The following CDK11B variants were observed in gnomAD, a reference collection of about 807,000 sequenced individuals.
CDK11B encodes the protein cyclin-dependent kinase 11B.
In CDK11B, 37 loss-of-function variants were observed where a neutral mutation model predicts 84.0. The observed-to-expected ratio is 0.44, with a 90% CI of 0.34 to 0.58. CDK11B has a LOEUF of 0.58. Among genes scored for constraint, CDK11B ranks in the 20% least tolerant of loss-of-function variants. The pLI, the probability that CDK11B is intolerant of heterozygous loss-of-function variation, is 0.02. For synonymous variants in CDK11B, 269 were observed against 309.8 expected, an observed-to-expected ratio of 0.87 and a Z score of 1.38; for missense variants, 427 against 834.0, an observed-to-expected ratio of 0.51 and a Z score of 6.01.
intron 11 of CDK11B, among the ~76,000 whole-genome samples, chr1:1,639,417 CA>C (rs371621658): frequency 4.7e-5 from 7 of 149,806 alleles, no homozygotes; most frequent in East Asian, 3.9e-4. Context: ...ACCCAGTCTC[CA>C]AAAAAAAAGC....
chr1:1,651,256 A>G (rs1641964660), intron 4 of CDK11B, among the ~76,000 whole-genome samples: 1 of 152,210 alleles, frequency 6.6e-6, no homozygotes, highest in Non-Finnish European at 1.5e-5. Flanking sequence ...TTTAAATGTA[A>G]ACAAACTGCT....
chr1:1,654,855 T>C (rs1642519403), intron 3 of CDK11B, among the ~76,000 whole-genome samples: 2 of 150,750 alleles, frequency 1.3e-5, no homozygotes, highest in South Asian at 4.2e-4. Context: ...AGACGGGGTT[T>C]CACTGTGTTA....
chr1:1,649,745 C>G, intron 4 of CDK11B, 108 bp from the exon 5 acceptor site: 1 of 1,055,770 alleles, frequency 9.5e-7, no homozygotes, highest in Non-Finnish European at 1.4e-6. Context: ...GAGGCTGAGG[C>G]GGGCGGATCA....
intron 4 of CDK11B, among the ~76,000 whole-genome samples, chr1:1,650,873 G>A (rs1350025523): frequency 2.0e-5 from 3 of 151,830 alleles, no homozygotes; most frequent in South Asian, 2.1e-4. Flanking sequence ...TATGAAGAAA[G>A]AAGAAAAAAG....
In CDK11B at chr1:1,641,155, C is replaced by A. The variant is rs374342868; in HGVS notation, c.1010-42G>T. ...GCGTCTGCTCAGACCAGCACCGGGG[C>A]GAGTGCTGCCACAGGCAGGATGCGG... On this transcript the variant is annotated intron_variant, in intron 9 of 19. Transcript: ENST00000341832. 441 of 1,485,960 alleles carry A rather than the reference C, an allele frequency of 3.0e-4. No individual in the cohort carries two copies. The African/African-American group carries it at 5.6e-3, about 19-fold the overall frequency. The allele number at this position is 1,485,960 out of a possible 1,614,324, so 92.0% of individuals were successfully genotyped here.
At chr1:1,648,288 C>G (rs1203529084) in intron 5 of CDK11B, among the ~76,000 whole-genome samples, 1 of 151,014 alleles carries the variant, frequency 6.6e-6, no homozygotes, top group East Asian at 2.0e-4. Flanking sequence ...CCAAGCTGTA[C>G]TCTCGTGGGA....
Position 1,637,525 on chromosome 1 carries a change from G to A in CDK11B, c.1465-12C>T, listed in dbSNP as rs370740219. ...CCCACCACAATCTCCTGCAGGGCAC[G>A]GCTCTGTGGGTGCTGGGCACCTCCA... On this transcript the variant is annotated splice_polypyrimidine_tract_variant and intron_variant, in intron 13 of 19. Transcript: ENST00000341832. 176 of 1,612,476 alleles carry A rather than the reference G, an allele frequency of 1.1e-4. No homozygotes were observed. The African/African-American group carries it at 2.0e-3, about 18-fold the overall frequency.
At chr1:1,653,785 A>T (rs549816867) in intron 3 of CDK11B, among the ~76,000 whole-genome samples, 50 of 151,470 alleles carry the variant, frequency 3.3e-4, no homozygotes, top group African/African-American at 1.1e-3. Context: ...GGAGTTCAAG[A>T]CCAGTGTGAC....
intron 5 of CDK11B, among the ~76,000 whole-genome samples, chr1:1,649,257 G>C (rs1641583377): frequency 6.6e-6 from 1 of 152,064 alleles, no homozygotes; most frequent in African/African-American, 2.4e-5. Context: ...CCGCCACCAT[G>C]CCCAGCTAAT....
At chr1:1,652,306 T>G in intron 4 of CDK11B, 133 bp downstream of exon 4, 1 of 719,960 alleles carries the variant, frequency 1.4e-6, no homozygotes, top group Non-Finnish European at 2.1e-6. Flanking sequence ...GAACGGTCTG[T>G]GACACACGTA....
chr1:1,655,099 T>C (rs935287410), intron 3 of CDK11B, among the ~76,000 whole-genome samples: 2 of 152,178 alleles, frequency 1.3e-5, no homozygotes, highest in African/African-American at 4.8e-5. Flanking sequence ...TGCAAAATCC[T>C]ATATAGTATA....
At position 1,650,096 on chromosome 1, in the gene CDK11B, C is replaced by T. The variant is rs1256215656; in HGVS notation, c.356-459G>A. 6.4e-4 allele frequency among the ~76,000 whole-genome samples: 97 copies of T among 150,924 alleles called. 1 individual carries two copies. The highest frequency in any genetic ancestry group is 1.8e-3 in the African/African-American group (75 of 41,112). ...CCATCCTGGCTAACACGGTGAAACC[C>T]CATCTCTACTAAAAATACAAAAAAT... On this transcript the variant is annotated intron_variant, in intron 4 of 19. Transcript: ENST00000341832.
chr1:1,639,289 C>T (rs752205313), intron 11 of CDK11B, among the ~76,000 whole-genome samples: 3 of 151,764 alleles, frequency 2.0e-5, no homozygotes, highest in Non-Finnish European at 4.4e-5. Flanking sequence ...TGGTGGCTTG[C>T]GCCTGTAGTT....
intron 11 of CDK11B, among the ~76,000 whole-genome samples, chr1:1,638,937 ATTT>A (rs70937162): frequency 1.0e-4 from 12 of 119,402 alleles, no homozygotes; most frequent in African/African-American, 3.5e-4. Flanking sequence ...TCTGTTTTCT[ATTT>A]TTTTTTTTTT....
At chr1:1,648,287 A>G (rs1570159751) in intron 5 of CDK11B, among the ~76,000 whole-genome samples, 1 of 151,004 alleles carries the variant, frequency 6.6e-6, no homozygotes. Flanking sequence ...CCCAAGCTGT[A>G]CTCTCGTGGG....
rs746371717 is a variant in CDK11B, at chr1:1,657,358, T to A, written c.111+17A>T. The A allele has an allele frequency of 7.7e-7, 1 of 1,297,840 alleles. No individual in the cohort carries two copies. The highest frequency in any genetic ancestry group is 1.5e-5 in the African/African-American group (1 of 68,280). 80.4% of individuals were successfully genotyped at this position (1,297,840 alleles called of 1,614,324 possible). A position where few individuals can be genotyped will look rare whatever the true frequency, so the allele number is the denominator to read the frequency against. ...ATCTCCTTTAAGAAAACCACTTACT[T>A]AAAAAATATGGCTTACATTTTTTAA... is the stretch of plus-strand genomic sequence containing the variant. On this transcript the variant is annotated intron_variant, in intron 2 of 19. Transcript: ENST00000341832.
intron 5 of CDK11B, chr1:1,646,199 T>G (rs983313695): frequency 2.6e-6 from 1 of 386,632 alleles, no homozygotes; most frequent in African/African-American, 2.1e-5. Context: ...ATCTGCCCTG[T>G]CTGTTTGGGG....
intron 5 of CDK11B, chr1:1,646,098 G>A (rs768287671): frequency 2.1e-6 from 1 of 468,354 alleles, no homozygotes; most frequent in Non-Finnish European, 4.3e-6. Context: ...AGCCATTCAA[G>A]CTCTCCTATG....
Position 1,650,460 on chromosome 1 carries a change from T to G in CDK11B, c.356-823A>C, listed in dbSNP as rs1163717051. ...GGCTCACTGCAAGCTCCGCCTCCCGTGTTCACACCATTCTCCTGCCTCAGC... is the reference window on the plus strand; with the variant it reads ...GGCTCACTGCAAGCTCCGCCTCCCGGGTTCACACCATTCTCCTGCCTCAGC... On this transcript the variant is annotated intron_variant, in intron 4 of 19. Transcript: ENST00000341832. 3.3e-3 allele frequency among the ~76,000 whole-genome samples: 483 copies of G among 147,406 alleles called. 4 individuals carry two copies. Among genetic ancestry groups the G allele is most frequent in the African/African-American group, 0.011 (446 of 39,898 alleles).
Sources: gnomAD v4.1 joint callset for allele counts (sites outside exome capture counted in the v4.1 genomes callset) on GRCh38, gnomAD v4.1.1 for gene constraint, MANE v1.5 for transcripts, NCBI Gene and HGNC (gene_info 2026-07-23, HGNC 2026-07-21) for gene names.